The following JAM2 variants were observed in gnomAD, a reference collection of about 807,000 sequenced individuals.
JAM2 encodes junctional adhesion molecule B.
Under a neutral mutation model 42.0 loss-of-function variants are expected in JAM2, and 17 were observed. The ratio of observed to expected loss-of-function variants is 0.40; its 90% confidence interval spans 0.28 to 0.61. The LOEUF (loss-of-function observed/expected upper bound fraction) is 0.61, where lower values mean the gene tolerates loss of function less well. Among genes scored for constraint, JAM2 ranks in the 20% least tolerant of loss-of-function variants. The pLI, the probability that JAM2 is intolerant of heterozygous loss-of-function variation, is 0.37. For missense variants in JAM2, 319 were observed against 358.3 expected (o/e 0.89, Z 0.89); for synonymous variants, 118 against 128.6 (o/e 0.92, Z 0.56).
At chr21:25,643,156 G>A (rs960792266) in intron 1 of JAM2, among the ~76,000 whole-genome samples, 1 of 152,202 alleles carries the variant, frequency 6.6e-6, no homozygotes, top group Non-Finnish European at 1.5e-5. Flanking sequence ...GGTAGGGTAG[G>A]TAAAAGAAGT....
intron 1 of JAM2, among the ~76,000 whole-genome samples, chr21:25,640,820 T>C (rs2032414271): frequency 6.6e-6 from 1 of 151,422 alleles, no homozygotes; most frequent in Admixed American, 6.6e-5. Flanking sequence ...TTTCTTTCTC[T>C]CTCTCTTTCT....
At chr21:25,685,223 G>A (rs939004886) in intron 2 of JAM2, among the ~76,000 whole-genome samples, 3 of 152,074 alleles carry the variant, frequency 2.0e-5, no homozygotes, top group Admixed American at 2.0e-4. Flanking sequence ...TATGAATTAT[G>A]TGTGCTTGTT....
intron 1 of JAM2, among the ~76,000 whole-genome samples, chr21:25,674,413 A>C (rs2033435517): frequency 6.6e-6 from 1 of 152,102 alleles, no homozygotes; most frequent in African/African-American, 2.4e-5. Context: ...AAATAAAATA[A>C]AAAATAAAAA....
At chr21:25,713,180 A>G (rs900630513) in intron 9 of JAM2, among the ~76,000 whole-genome samples, 1 of 152,192 alleles carries the variant, frequency 6.6e-6, no homozygotes, top group Non-Finnish European at 1.5e-5. Flanking sequence ...GTTTCAACAT[A>G]TGAATTTTGG....
At position 25,712,448 on chromosome 21, in the gene JAM2, A is replaced by C. The variant is rs1040415821; in HGVS notation, c.864+66A>C. ...GGGGAATAGGGCAGGGAAATGAAGT[A>C]ATTATATGGACTTTGTGAATTTTCA... On this transcript the variant is annotated intron_variant, in intron 9 of 9. Coordinates refer to ENST00000480456, the MANE Select transcript of JAM2 (RefSeq NM_021219.4). The C allele has an allele frequency of 3.6e-6, 4 of 1,123,630 alleles. No individual in the cohort carries two copies. In the African/African-American group the frequency reaches 6.2e-5, roughly 17 times the overall value. The allele number at this position is 1,123,630 out of a possible 1,614,324, so 69.6% of individuals were successfully genotyped here. A position where few individuals can be genotyped will look rare whatever the true frequency, so the allele number is the denominator to read the frequency against.
At chr21:25,690,155 G>A (rs1382488996) in intron 3 of JAM2, among the ~76,000 whole-genome samples, 182 bp downstream of exon 3, 1 of 152,204 alleles carries the variant, frequency 6.6e-6, no homozygotes, top group Non-Finnish European at 1.5e-5. Flanking sequence ...AGAACAGAGG[G>A]AGGTGAAGCC....
In JAM2 at chr21:25,715,849, T is replaced by G. The variant is rs2034467637; in HGVS notation, c.*1177T>G. 4 of 152,228 alleles carry G rather than the reference T, an allele frequency of 2.6e-5. No individual in the cohort carries two copies. The highest frequency in any genetic ancestry group is 2.0e-4 in the Admixed American group (3 of 15,282). 9.4% of individuals were successfully genotyped at this position (152,228 alleles called of 1,614,324 possible). A position where few individuals can be genotyped will look rare whatever the true frequency, so the allele number is the denominator to read the frequency against. On this transcript the variant is annotated 3_prime_UTR_variant, in exon 10 of 10. Coordinates refer to ENST00000480456, the MANE Select transcript of JAM2 (RefSeq NM_021219.4). Reference sequence around the variant, plus strand: ...GACTATGTTAAAAATTCATATCATTTGTAACTTCTTTTAATTACTGAATTG... The same window carrying G: ...GACTATGTTAAAAATTCATATCATTGGTAACTTCTTTTAATTACTGAATTG...
intron 1 of JAM2, among the ~76,000 whole-genome samples, chr21:25,671,493 G>T (rs1169246897): frequency 6.6e-6 from 1 of 151,806 alleles, no homozygotes; most frequent in African/African-American, 2.4e-5. Context: ...TTTAGAAAAA[G>T]ATTATCTTTT....
intron 8 of JAM2, chr21:25,710,287 A>G (rs1352859805): frequency 6.6e-6 from 1 of 152,232 alleles, no homozygotes; most frequent in African/African-American, 2.4e-5. Flanking sequence ...TGTTCTAAGG[A>G]ATGGGGATAC....
At chr21:25,690,605 C>G (rs1728412738) in intron 3 of JAM2, among the ~76,000 whole-genome samples, 2 of 152,056 alleles carry the variant, frequency 1.3e-5, no homozygotes, top group Admixed American at 1.3e-4. Flanking sequence ...GCCTCGGTCT[C>G]CAAAAGTACT....
intron 2 of JAM2, among the ~76,000 whole-genome samples, chr21:25,686,415 G>C (rs117382068): frequency 6.6e-6 from 1 of 151,788 alleles, no homozygotes. Context: ...TAATTTTGCC[G>C]TAAGTCTATA....
At chr21:25,681,686 A>C (rs1487618496) in intron 1 of JAM2, among the ~76,000 whole-genome samples, 1 of 152,180 alleles carries the variant, frequency 6.6e-6, no homozygotes, top group Non-Finnish European at 1.5e-5. Context: ...ACTTTCCCCA[A>C]AGAATTGCTT....
In JAM2 at chr21:25,648,450, TTGTG is replaced by T. The variant is rs61479815; in HGVS notation, c.67+8586_67+8589del. Among the ~76,000 whole-genome samples the T allele has an allele frequency of 3.4e-3, 506 of 148,470 alleles. 1 individual carries two copies. The highest frequency in any genetic ancestry group is 0.014 in the Middle Eastern group (4 of 288). ...AGTCAGGTTCTTTTGTGCCGTGTGT[TTGTG>T]TGTGTGTGTGTGTGTGTGTGTGTAA... is the stretch of plus-strand genomic sequence containing the variant. On this transcript the variant is annotated intron_variant, in intron 1 of 9. Transcript: ENST00000480456.
chr21:25,648,026 C>T (rs768258501), intron 1 of JAM2, among the ~76,000 whole-genome samples: 51 of 152,156 alleles, frequency 3.4e-4, no homozygotes, highest in Non-Finnish European at 5.9e-4. Context: ...GCCTAGCCAA[C>T]GTGGTGAAAC....
At chr21:25,693,262 T>A (rs1601043900) in intron 3 of JAM2, among the ~76,000 whole-genome samples, 1 of 91,776 alleles carries the variant, frequency 1.1e-5, no homozygotes, top group East Asian at 3.5e-4. Flanking sequence ...TTTTTTGAAT[T>A]TTTTTTTTTT....
chr21:25,643,782 C>G (rs988040087), intron 1 of JAM2: 5 of 152,156 alleles, frequency 3.3e-5, no homozygotes, highest in African/African-American at 1.2e-4. Flanking sequence ...AGTGAGTTCC[C>G]TATGACTGAA....
chr21:25,671,867 T>G (rs2033370545), intron 1 of JAM2, among the ~76,000 whole-genome samples: 1 of 152,226 alleles, frequency 6.6e-6, no homozygotes, highest in Non-Finnish European at 1.5e-5. Flanking sequence ...GATTATACAT[T>G]TAACAGATTG....
In JAM2 at chr21:25,706,002, A is replaced by T. The variant is rs767894841; in HGVS notation, c.721A>T (p.Ile241Leu). 14 of 1,613,248 alleles carry T rather than the reference A, an allele frequency of 8.7e-6. No individual in the cohort carries two copies. In the Middle Eastern group the frequency reaches 1.8e-3, roughly 208 times the overall value. Residue 241 changes from isoleucine to leucine, a missense_variant, in exon 7 of 10, where the codon ATA becomes TTA. Ile to Leu is a conservative substitution (Grantham distance 5). Transcript: ENST00000480456. ...QVDDLNISGI[I>L]AAVVVVALVI... ...AGATGATCTCAACATAAGTGGCATCATAGCAGCCGTAGTAGTTGTGGCCTT... is the reference window on the plus strand; with the variant it reads ...AGATGATCTCAACATAAGTGGCATCTTAGCAGCCGTAGTAGTTGTGGCCTT...
rs575190744 is a variant in JAM2, at chr21:25,665,749, G to C, written c.68-18134G>C. 5.3e-5 allele frequency among the ~76,000 whole-genome samples: 8 copies of C among 152,274 alleles called. No homozygotes were observed. The South Asian group carries it at 1.7e-3, about 32-fold the overall frequency. On this transcript the variant is annotated intron_variant, in intron 1 of 9. Coordinates refer to ENST00000480456, the MANE Select transcript of JAM2 (RefSeq NM_021219.4). ...GGCAACATGCTTTACCGATTTAAATGTTAATCTCACGCCACACACAGTGGC... is the reference window on the plus strand; with the variant it reads ...GGCAACATGCTTTACCGATTTAAATCTTAATCTCACGCCACACACAGTGGC...
Sources: gnomAD v4.1 joint callset for allele counts (sites outside exome capture counted in the v4.1 genomes callset) on GRCh38, gnomAD v4.1.1 for gene constraint, MANE v1.5 for transcripts, NCBI Gene and HGNC (gene_info 2026-07-23, HGNC 2026-07-21) for gene names.